Variants in LRRC37A2 observed in about 807,000 individuals in gnomAD.
The protein encoded by LRRC37A2 is leucine-rich repeat-containing protein 37A2.
LRRC37A2 carries 9 observed loss-of-function variants against 68.8 expected under a neutral mutation model. That is an observed-to-expected ratio of 0.13 (90% confidence interval 0.08 to 0.23). The LOEUF (loss-of-function observed/expected upper bound fraction) is 0.23. Among genes scored for constraint, LRRC37A2 ranks in the 10% least tolerant of loss-of-function variants. The pLI is 1.00. For synonymous variants in LRRC37A2, 63 were observed against 367.6 expected (o/e 0.17, Z 9.48); for missense variants, 168 against 950.4 (o/e 0.18, Z 10.82).
At chr17:46,804,575 T>C in the LRRC37A2 span, among the ~76,000 whole-genome samples, 1 of 152,282 alleles carries the variant, frequency 6.6e-6, no homozygotes. Flanking sequence ...TCTGTGGCTA[T>C]AGGACTTGCA....
the LRRC37A2 span, among the ~76,000 whole-genome samples, chr17:46,900,240 C>CAT: frequency 0.1 from 13,916 of 133,146 alleles, 1,891 homozygotes; most frequent in African/African-American, 0.31. Flanking sequence ...TATATACACA[C>CAT]ATATATATAT....
chr17:46,733,025 A>G, the LRRC37A2 span, among the ~76,000 whole-genome samples: 4 of 152,216 alleles, frequency 2.6e-5, no homozygotes, highest in African/African-American at 4.8e-5. Context: ...GTAAAAGACC[A>G]CTGCAGTTCA....
the LRRC37A2 span, among the ~76,000 whole-genome samples, chr17:46,806,080 C>T: frequency 1.3e-5 from 2 of 152,188 alleles, no homozygotes; most frequent in East Asian, 1.9e-4. Context: ...ATGTGATACC[C>T]GGGACATCAT....
At chr17:46,953,041 T>A in the LRRC37A2 span, among the ~76,000 whole-genome samples, 1 of 152,046 alleles carries the variant, frequency 6.6e-6, no homozygotes, top group Non-Finnish European at 1.5e-5. Flanking sequence ...TATTATTTTT[T>A]ATTTTTTTAT....
At chr17:46,714,880 T>C in the LRRC37A2 span, among the ~76,000 whole-genome samples, 2 of 152,242 alleles carry the variant, frequency 1.3e-5, no homozygotes, top group African/African-American at 4.8e-5. Context: ...ATCTTGAGAA[T>C]TGAAGTGCTC....
chr17:46,748,321 G>A, the LRRC37A2 span, among the ~76,000 whole-genome samples: 31 of 152,200 alleles, frequency 2.0e-4, no homozygotes, highest in Admixed American at 1.3e-3. Flanking sequence ...ATGTTGGTCA[G>A]GCTGGTCTCA....
the LRRC37A2 span, among the ~76,000 whole-genome samples, chr17:47,008,551 C>T: frequency 3.3e-5 from 5 of 151,382 alleles, no homozygotes; most frequent in African/African-American, 1.2e-4. Flanking sequence ...CTCCACCTCC[C>T]GGGTTCAAGC....
At chr17:46,532,840 C>G (rs1482665993) in intron 6 of LRRC37A2, among the ~76,000 whole-genome samples, 2 of 149,664 alleles carry the variant, frequency 1.3e-5, no homozygotes, top group Non-Finnish European at 2.9e-5. Context: ...GTGGCTCACA[C>G]CTGTCATCCT....
At chr17:46,830,857 A>C in the LRRC37A2 span, 6 of 398,008 alleles carry the variant, frequency 1.5e-5, no homozygotes, top group African/African-American at 1.2e-4. Context: ...ATCCTCAAAG[A>C]AAAAGTCTGG....
chr17:46,828,401 G>A, the LRRC37A2 span, among the ~76,000 whole-genome samples: 1 of 152,008 alleles, frequency 6.6e-6, no homozygotes, highest in Non-Finnish European at 1.5e-5. Flanking sequence ...GTTCCATCAT[G>A]TTGCCCAGCC....
chr17:47,044,547 C>T, the LRRC37A2 span, among the ~76,000 whole-genome samples: 2 of 150,542 alleles, frequency 1.3e-5, no homozygotes, highest in African/African-American at 4.9e-5. Context: ...ATGGTTTTGT[C>T]CAGAAAATGT....
chr17:46,879,144 A>T, the LRRC37A2 span, among the ~76,000 whole-genome samples: 5 of 152,228 alleles, frequency 3.3e-5, no homozygotes, highest in Admixed American at 1.3e-4. Context: ...TATATGAGAA[A>T]GTATTTATAT....
chr17:46,748,752 A>G, the LRRC37A2 span, among the ~76,000 whole-genome samples: 1 of 152,230 alleles, frequency 6.6e-6, no homozygotes. Context: ...GTGTTTGAAC[A>G]TACTGAAAGG....
chr17:46,752,781 T>C, the LRRC37A2 span, among the ~76,000 whole-genome samples: 1 of 152,114 alleles, frequency 6.6e-6, no homozygotes, highest in Non-Finnish European at 1.5e-5. Context: ...TCTTTTTTTT[T>C]CTTTTGAGAC....
chr17:46,768,449 G>A, the LRRC37A2 span: 1 of 1,614,148 alleles, frequency 6.2e-7, no homozygotes, highest in Non-Finnish European at 8.5e-7. This position sits in a 1 kb window ranked among gnomAD's most constrained non-coding sequence, Gnocchi z 5.0. Flanking sequence ...GGCCACAGCA[G>A]AGCAGATCGC....
the LRRC37A2 span, chr17:46,694,502 A>G: frequency 1.6e-6 from 2 of 1,249,774 alleles, no homozygotes; most frequent in Admixed American, 3.8e-5. Context: ...GGCCGACTAC[A>G]GATTCTTCAC....
the LRRC37A2 span, among the ~76,000 whole-genome samples, chr17:46,659,724 A>G: frequency 1.4e-5 from 2 of 144,282 alleles, no homozygotes; most frequent in South Asian, 2.1e-4. Context: ...TCACTCCCAG[A>G]CAACAAGCCT....
At chr17:46,879,969 C>A in the LRRC37A2 span, among the ~76,000 whole-genome samples, 2 of 152,346 alleles carry the variant, frequency 1.3e-5, no homozygotes, top group African/African-American at 2.4e-5. Context: ...CCACTGGGCC[C>A]CTCCCAACCT....
At chr17:46,823,721 C>A in the LRRC37A2 span, among the ~76,000 whole-genome samples, 1 of 151,612 alleles carries the variant, frequency 6.6e-6, no homozygotes, top group East Asian at 1.9e-4. Flanking sequence ...ATTACAGGTG[C>A]AAGCCACCAT....
Sources: gnomAD v4.1 joint callset for allele counts (sites outside exome capture counted in the v4.1 genomes callset) on GRCh38, gnomAD v4.1.1 for gene constraint, Gnocchi (gnomAD v3.1) non-coding constraint, MANE v1.5 for transcripts, NCBI Gene and HGNC (gene_info 2026-07-23, HGNC 2026-07-21) for gene names.